The following SMAP1 variants were observed in gnomAD, a reference collection of about 807,000 sequenced individuals.
SMAP1 encodes small ArfGAP 1, also known as stromal membrane-associated protein 1.
SMAP1 carries 24 observed loss-of-function variants against 58.5 expected under a neutral mutation model. That is an observed-to-expected ratio of 0.41 (90% CI 0.30 to 0.58). The LOEUF (loss-of-function observed/expected upper bound fraction) is 0.58, where lower values mean the gene tolerates loss of function less well. SMAP1 is among the 20% of genes least tolerant of loss of function. The pLI is 0.29. For missense variants in SMAP1, 563 were observed against 566.3 expected (o/e 0.99, Z 0.06); for synonymous variants, 216 against 196.6 (o/e 1.10, Z -0.82).
At chr6:70,676,791 C>G (rs941062336) in intron 1 of SMAP1, among the ~76,000 whole-genome samples, 26 of 151,734 alleles carry the variant, frequency 1.7e-4, no homozygotes, top group African/African-American at 6.3e-4. Context: ...TTTATTTTTT[C>G]CTTGTTATAG....
chr6:70,808,813 C>T (rs190410010), intron 6 of SMAP1, among the ~76,000 whole-genome samples: 1 of 151,144 alleles, frequency 6.6e-6, no homozygotes, highest in African/African-American at 2.4e-5. Context: ...TTACTGCTCT[C>T]TTTAATCAGG....
At chr6:70,786,017 C>T (rs1182289716) in intron 4 of SMAP1, among the ~76,000 whole-genome samples, 1 of 152,168 alleles carries the variant, frequency 6.6e-6, no homozygotes, top group Non-Finnish European at 1.5e-5. Flanking sequence ...AATTTTAGAC[C>T]AATCTCCTTG....
chr6:70,780,542 C>G (rs1767721654), intron 4 of SMAP1, among the ~76,000 whole-genome samples: 1 of 152,148 alleles, frequency 6.6e-6, no homozygotes, highest in South Asian at 2.1e-4. Flanking sequence ...GATCACACCG[C>G]TGTACTACTA....
At chr6:70,709,802 T>C (rs1224736629) in intron 1 of SMAP1, among the ~76,000 whole-genome samples, 1 of 152,224 alleles carries the variant, frequency 6.6e-6, no homozygotes, top group East Asian at 1.9e-4. Context: ...AGCATGGACA[T>C]TTTAATAATA....
chr6:70,815,369 A>C (rs1286217005), intron 6 of SMAP1, among the ~76,000 whole-genome samples: 1 of 152,196 alleles, frequency 6.6e-6, no homozygotes, highest in African/African-American at 2.4e-5. Context: ...CCAATTGTGT[A>C]AGTTACCTTG....
intron 7 of SMAP1, 56 bp from the exon 8 acceptor site, chr6:70,852,484 T>C: frequency 1.4e-6 from 2 of 1,388,758 alleles, no homozygotes; most frequent in Admixed American, 5.5e-5. Flanking sequence ...AATAATGCCA[T>C]GTTTCAAGTA....
chr6:70,846,279 A>G (rs936120431), intron 7 of SMAP1, among the ~76,000 whole-genome samples: 4 of 152,196 alleles, frequency 2.6e-5, no homozygotes, highest in Admixed American at 6.5e-5. Context: ...AAATCCTCCC[A>G]TAACCTGTGT....
intron 7 of SMAP1, among the ~76,000 whole-genome samples, chr6:70,846,748 T>C (rs530619661): frequency 2.0e-5 from 3 of 152,046 alleles, no homozygotes; most frequent in Non-Finnish European, 4.4e-5. Context: ...TTTAGGGAGG[T>C]AGGTCAATGG....
intron 4 of SMAP1, among the ~76,000 whole-genome samples, chr6:70,788,298 T>G (rs1211107148): frequency 1.8e-4 from 15 of 85,054 alleles, no homozygotes; most frequent in African/African-American, 3.9e-4. Context: ...TGGGGACTGT[T>G]GTGGGGTGGG....
At chr6:70,766,987 C>T (rs1437552240) in intron 3 of SMAP1, among the ~76,000 whole-genome samples, 1 of 152,116 alleles carries the variant, frequency 6.6e-6, no homozygotes, top group African/African-American at 2.4e-5. Flanking sequence ...TTCCCAGCAT[C>T]ATTTATTAAA....
chr6:70,792,503 G>C (rs1334349304), intron 5 of SMAP1, among the ~76,000 whole-genome samples: 2 of 151,966 alleles, frequency 1.3e-5, no homozygotes, highest in Non-Finnish European at 2.9e-5. Flanking sequence ...CAAGAAAACA[G>C]ATAACTATAT....
intron 3 of SMAP1, among the ~76,000 whole-genome samples, chr6:70,770,028 A>G (rs1339112438): frequency 6.6e-6 from 1 of 151,620 alleles, no homozygotes; most frequent in Non-Finnish European, 1.5e-5. Flanking sequence ...GTTTGGCTGG[A>G]TATGAAATTC....
intron 6 of SMAP1, among the ~76,000 whole-genome samples, chr6:70,805,713 G>T (rs932003526): frequency 3.9e-5 from 6 of 152,178 alleles, no homozygotes; most frequent in African/African-American, 1.4e-4. Flanking sequence ...TGTTGACATT[G>T]ATGCTATTCC....
intron 1 of SMAP1, among the ~76,000 whole-genome samples, chr6:70,673,082 T>G (rs994559568): frequency 6.6e-6 from 1 of 152,104 alleles, no homozygotes; most frequent in African/African-American, 2.4e-5. Context: ...AATGTCAATA[T>G]ATAAGTCAGG....
In SMAP1 at chr6:70,702,777, C is replaced by T. The variant is rs150432249; in HGVS notation, c.119-29601C>T. ...TCCTGAGTAGCTGGGACTACAGGTG[C>T]GCACCACCACACCTGGTTAATTTTT... On this transcript the variant is annotated intron_variant, in intron 1 of 10. Coordinates refer to ENST00000370455, the MANE Select transcript of SMAP1 (RefSeq NM_001044305.3). Among the ~76,000 whole-genome samples, 1,519 of 151,956 alleles carry T rather than the reference C, an allele frequency of 1.0e-2. 28 individuals are homozygous for T. The highest frequency in any genetic ancestry group is 0.034 in the African/African-American group (1,406 of 41,464).
rs967718413 is a variant in SMAP1, at chr6:70,860,768, G to A, written c.*434G>A. 5.0e-5 allele frequency: 20 copies of A among 399,306 alleles called. No homozygotes were observed. Among genetic ancestry groups the A allele is most frequent in the African/African-American group, 2.9e-4 (14 of 48,598 alleles). 24.7% of individuals were successfully genotyped at this position (399,306 alleles called of 1,614,324 possible). ...AAATGTTTAATCATATAAATAGAAT[G>A]TAAATGTCTCACTGAGCACTGTTTT... On this transcript the variant is annotated 3_prime_UTR_variant, in exon 11 of 11. Coordinates refer to ENST00000370455, the MANE Select transcript of SMAP1 (RefSeq NM_001044305.3).
At chr6:70,811,154 T>C (rs1769370396) in intron 6 of SMAP1, among the ~76,000 whole-genome samples, 1 of 152,212 alleles carries the variant, frequency 6.6e-6, no homozygotes, top group Non-Finnish European at 1.5e-5. Context: ...AATTTGATTC[T>C]CAACTTTACT....
At chr6:70,709,418 A>G (rs780247126) in intron 1 of SMAP1, among the ~76,000 whole-genome samples, 29 of 151,798 alleles carry the variant, frequency 1.9e-4, no homozygotes, top group Non-Finnish European at 3.2e-4. Context: ...GGCTCATTGT[A>G]GCCTTGACTT....
At chr6:70,723,169 T>A (rs949519310) in intron 1 of SMAP1, among the ~76,000 whole-genome samples, 1 of 152,208 alleles carries the variant, frequency 6.6e-6, no homozygotes, top group African/African-American at 2.4e-5. Context: ...GGTCTTGTTA[T>A]ATTGCTCAGG....
Sources: allele counts gnomAD v4.1 joint callset (sites outside exome capture counted in the v4.1 genomes callset), GRCh38; gene constraint gnomAD v4.1.1; transcripts MANE v1.5; gene names NCBI Gene and HGNC (gene_info 2026-07-23, HGNC 2026-07-21).